PSD3: variants seen among roughly 807,000 people sequenced by gnomAD.
PSD3 encodes PH and SEC7 domain-containing protein 3.
A neutral mutation model predicts 105.5 loss-of-function variants in PSD3; 49 were observed. The observed-to-expected ratio is 0.46, with a 90% CI of 0.37 to 0.59. PSD3 has a LOEUF of 0.59. PSD3 is among the 20% of genes least tolerant of loss of function. The pLI, the probability that PSD3 is intolerant of heterozygous loss-of-function variation, is 0.00. For synonymous variants in PSD3, 557 were observed against 457.8 expected (o/e 1.22, Z -2.77); for missense variants, 1,561 against 1,263.8 (o/e 1.24, Z -3.57).
chr8:18,942,452 G>A (rs1822607391), intron 1 of PSD3, among the ~76,000 whole-genome samples: 1 of 152,154 alleles, frequency 6.6e-6, no homozygotes, highest in Non-Finnish European at 1.5e-5. Flanking sequence ...TGCTGCAAAA[G>A]GCAACAGTTA....
rs552032155 is a variant in PSD3, at chr8:18,841,270, G to A, written c.1634+26404C>T. On this transcript the variant is annotated intron_variant, in intron 4 of 15. Coordinates refer to ENST00000327040, the MANE Select transcript of PSD3 (RefSeq NM_015310.4). ...ATATTCATGCATGCTCAGGCACTGC[G>A]TGGAAAAAAAGTCTGTTGTGTATTC... 1.4e-4 allele frequency among the ~76,000 whole-genome samples: 22 copies of A among 152,172 alleles called. No individual in the cohort carries two copies. The South Asian group carries it at 3.7e-3, about 26-fold the overall frequency.
At chr8:18,822,816 T>A (rs1321445801) in intron 4 of PSD3, among the ~76,000 whole-genome samples, 1 of 152,170 alleles carries the variant, frequency 6.6e-6, no homozygotes, top group Admixed American at 6.5e-5. Context: ...CATGTACATC[T>A]CATCTTCTCA....
intron 9 of PSD3, among the ~76,000 whole-genome samples, chr8:18,694,948 A>T (rs1044474842): frequency 2.0e-5 from 3 of 152,216 alleles, no homozygotes; most frequent in Non-Finnish European, 4.4e-5. Flanking sequence ...TTAGATATTT[A>T]AAAAAATCTA....
At chr8:18,799,868 T>C (rs1159894824) in intron 7 of PSD3, among the ~76,000 whole-genome samples, 1 of 152,202 alleles carries the variant, frequency 6.6e-6, no homozygotes, top group Non-Finnish European at 1.5e-5. Context: ...TCTACACAAG[T>C]ACAGTAGACA....
intron 1 of PSD3, among the ~76,000 whole-genome samples, chr8:18,949,234 AAAAAAAAAAAATATATATATATATATAT>A: frequency 1.8e-5 from 1 of 56,718 alleles, no homozygotes; most frequent in South Asian, 5.4e-4. Context: ...AAAAAAAAAA[AAAAAAAAAAAATATATATATATATATAT>A]ATATATATAT....
intron 9 of PSD3, among the ~76,000 whole-genome samples, chr8:18,763,447 G>A (rs1806710658): frequency 1.3e-5 from 2 of 152,130 alleles, no homozygotes; most frequent in African/African-American, 4.8e-5. Context: ...GTATGTATCT[G>A]TGTAGCACAT....
At chr8:19,067,675 G>A (rs1269007369) in intron 1 of PSD3, among the ~76,000 whole-genome samples, 1 of 152,138 alleles carries the variant, frequency 6.6e-6, no homozygotes, top group Non-Finnish European at 1.5e-5. Flanking sequence ...GATGGAAGCT[G>A]TTGTCTTATG....
At chr8:18,563,084 T>C (rs1801501909) in intron 14 of PSD3, among the ~76,000 whole-genome samples, 1 of 152,148 alleles carries the variant, frequency 6.6e-6, no homozygotes, top group South Asian at 2.1e-4. Context: ...CCTTTACCGA[T>C]TACAAGCTCT....
chr8:18,616,286 A>C (rs1805656916), intron 11 of PSD3, among the ~76,000 whole-genome samples: 1 of 152,230 alleles, frequency 6.6e-6, no homozygotes, highest in African/African-American at 2.4e-5. Flanking sequence ...GAGGAAAACC[A>C]AAATACCCGA....
At chr8:18,715,217 C>T (rs958129466) in intron 9 of PSD3, among the ~76,000 whole-genome samples, 1 of 152,078 alleles carries the variant, frequency 6.6e-6, no homozygotes, top group African/African-American at 2.4e-5. Context: ...TGCAGCTAAC[C>T]ACCATGGCAC....
chr8:18,991,355 C>G (rs1429484516), intron 1 of PSD3, among the ~76,000 whole-genome samples: 1 of 68,230 alleles, frequency 1.5e-5, no homozygotes, highest in Non-Finnish European at 2.9e-5. Flanking sequence ...CACACACATA[C>G]ACACACACAC....
intron 9 of PSD3, among the ~76,000 whole-genome samples, chr8:18,660,773 T>C (rs915982936): frequency 1.3e-5 from 2 of 152,192 alleles, no homozygotes; most frequent in Non-Finnish European, 2.9e-5. Flanking sequence ...TACCAATCTT[T>C]TATCTAACTG....
intron 2 of PSD3, among the ~76,000 whole-genome samples, chr8:18,902,822 T>C (rs1819593634): frequency 6.6e-6 from 1 of 152,228 alleles, no homozygotes; most frequent in Admixed American, 6.5e-5. Context: ...ATGTTGTAGA[T>C]GTTCGTGGCA....
chr8:18,797,008 G>A (rs988286347), intron 8 of PSD3, among the ~76,000 whole-genome samples: 1 of 151,968 alleles, frequency 6.6e-6, no homozygotes, highest in South Asian at 2.1e-4. Context: ...AAAAAAATCA[G>A]GCAATCATGA....
chr8:18,876,450 G>A (rs1298547785), intron 2 of PSD3, among the ~76,000 whole-genome samples: 1 of 152,020 alleles, frequency 6.6e-6, no homozygotes, highest in Non-Finnish European at 1.5e-5. Context: ...GCAGTGGGAC[G>A]ATCATGGCTC....
intron 11 of PSD3, among the ~76,000 whole-genome samples, chr8:18,605,391 T>C (rs916552756): frequency 6.6e-6 from 1 of 151,964 alleles, no homozygotes; most frequent in Admixed American, 6.5e-5. Flanking sequence ...TTTTGGTCCA[T>C]ATATTCCTTT....
chr8:18,727,012 G>A (rs1157894794), intron 9 of PSD3, among the ~76,000 whole-genome samples: 3 of 152,026 alleles, frequency 2.0e-5, no homozygotes, highest in Admixed American at 6.6e-5. Context: ...TGGTCAACAT[G>A]ACAAAACCCC....
At chr8:18,634,468 G>A (rs539090789) in intron 10 of PSD3, among the ~76,000 whole-genome samples, 21 of 151,870 alleles carry the variant, frequency 1.4e-4, no homozygotes, top group African/African-American at 4.1e-4. Flanking sequence ...AAAAATTAAC[G>A]TAAGTTTAAT....
rs150480621 is a variant in PSD3 at position 18,663,909 on chromosome 8, A to T, written c.2173-8224T>A. On this transcript the variant is annotated intron_variant, in intron 9 of 15. Transcript: ENST00000327040. ...GTTTCACTTTGTATCTCTCTGTCAC[A>T]TTTTGACAATTCTCACAATTCAAAC... is the stretch of plus-strand genomic sequence containing the variant. Among the ~76,000 whole-genome samples, 359 of 152,260 alleles carry T rather than the reference A, an allele frequency of 2.4e-3. 4 individuals carry two copies. Among genetic ancestry groups the T allele is most frequent in the African/African-American group, 7.7e-3 (322 of 41,558 alleles).
Sources: gnomAD v4.1 joint callset for allele counts (sites outside exome capture counted in the v4.1 genomes callset) on GRCh38, gnomAD v4.1.1 for gene constraint, MANE v1.5 for transcripts, NCBI Gene and HGNC (gene_info 2026-07-23, HGNC 2026-07-21) for gene names.